RYR3: variants seen among roughly 807,000 people sequenced by gnomAD.
The protein encoded by RYR3 is brain ryanodine receptor-calcium release channel.
Under a neutral mutation model 584.3 loss-of-function variants are expected in RYR3, and 207 were observed. That is an observed-to-expected ratio of 0.35 (90% CI 0.32 to 0.40). The LOEUF is 0.40. Among genes scored for constraint, RYR3 ranks in the 10% least tolerant of loss-of-function variants. RYR3 has a pLI of 1.00. For synonymous variants in RYR3, 2,416 were observed against 2,248.5 expected (o/e 1.07, Z -2.11); for missense variants, 5,616 against 6,089.2 (o/e 0.92, Z 2.59).
In RYR3 at chr15:33,503,702, A is replaced by C; in HGVS notation, c.243A>C (p.Glu81Asp). Residue 81 changes from glutamate to aspartate, a missense_variant, in exon 3 of 104, where the codon GAA (glutamate) becomes GAC (aspartate). Glu to Asp is a conservative substitution (Grantham distance 45). Around this residue, in one of 9 missense-constraint regions of RYR3, gnomAD observed 1,284 missense variants for 1,344.6 expected, o/e 0.95. Coordinates refer to ENST00000634891, the MANE Select transcript of RYR3 (RefSeq NM_001036.6). ...EQSLSVRALQ[E>D]MLANTGENGG... The stretch of plus-strand genomic sequence containing the variant: ...CCCTATCTGTCAGAGCCCTGCAGGA[A>C]ATGCTTGCCAACACAGGTGAAAATG... 1.2e-6 allele frequency: 2 copies of C among 1,612,830 alleles called. No homozygotes were observed. Among genetic ancestry groups the C allele is most frequent in the African/African-American group, 2.7e-5 (2 of 75,016 alleles).
At chr15:33,435,704 T>C (rs1416586504) in intron 1 of RYR3, among the ~76,000 whole-genome samples, 1 of 152,164 alleles carries the variant, frequency 6.6e-6, no homozygotes, top group Non-Finnish European at 1.5e-5. Context: ...CGGAGTTGAT[T>C]GTTCCTCCCG....
chr15:33,763,765 C>T (rs749634131), intron 60 of RYR3, among the ~76,000 whole-genome samples: 8 of 151,934 alleles, frequency 5.3e-5, no homozygotes, highest in Non-Finnish European at 8.8e-5. Flanking sequence ...TGGTGGCACA[C>T]GCCTGTAATC....
intron 62 of RYR3, among the ~76,000 whole-genome samples, chr15:33,770,672 A>C (rs1397482524): frequency 6.6e-6 from 1 of 152,104 alleles, no homozygotes; most frequent in African/African-American, 2.4e-5. Context: ...ATTGCTGAGC[A>C]TGGGAGGCTC....
chr15:33,683,918 AGCCTGGCAGGAAGAGGG>A (rs2064812005), intron 38 of RYR3, among the ~76,000 whole-genome samples: 1 of 152,250 alleles, frequency 6.6e-6, no homozygotes, highest in Non-Finnish European at 1.5e-5. Flanking sequence ...GCAAGGCGGC[AGCCTGGCAGGAAGAGGG>A]GCGTCTGCCA....
intron 12 of RYR3, among the ~76,000 whole-genome samples, chr15:33,572,934 G>A (rs1233142362): frequency 3.9e-5 from 6 of 152,030 alleles, no homozygotes; most frequent in Admixed American, 6.5e-5. Flanking sequence ...AGATCGTGCC[G>A]TTGCACTCCA....
At chr15:33,760,313 G>A (rs142908366) in intron 60 of RYR3, among the ~76,000 whole-genome samples, 3 of 152,106 alleles carry the variant, frequency 2.0e-5, no homozygotes, top group Non-Finnish European at 4.4e-5. Flanking sequence ...TGGGCGAAAT[G>A]CCCCAATTAA....
At chr15:33,459,311 C>T (rs2676089) in intron 1 of RYR3, among the ~76,000 whole-genome samples, 88,337 of 152,074 alleles carry the variant, frequency 0.58, 26,528 homozygotes, top group African/African-American at 0.75. Context: ...ATATCCCTTC[C>T]TCACCCGGAC....
intron 2 of RYR3, among the ~76,000 whole-genome samples, chr15:33,485,133 T>A (rs2142396965): frequency 6.6e-6 from 1 of 152,100 alleles, no homozygotes; most frequent in Middle Eastern, 3.4e-3. Context: ...GAGAAGAATA[T>A]CAAGAAGGAA....
At chr15:33,750,429 C>T in intron 57 of RYR3, 143 bp downstream of exon 57, 1 of 797,450 alleles carries the variant, frequency 1.3e-6, no homozygotes, top group Non-Finnish European at 1.9e-6. Context: ...ACATGAAGCC[C>T]TCTTTTTTTG....
At chr15:33,769,411 A>C (rs191196350) in intron 62 of RYR3, among the ~76,000 whole-genome samples, 2 of 152,296 alleles carry the variant, frequency 1.3e-5, no homozygotes, top group African/African-American at 4.8e-5. Context: ...CCTTCCTAAG[A>C]AGTTTGTCTT....
At chr15:33,361,272 C>A (rs985863223) in intron 1 of RYR3, among the ~76,000 whole-genome samples, 1 of 152,198 alleles carries the variant, frequency 6.6e-6, no homozygotes, top group African/African-American at 2.4e-5. Flanking sequence ...ACTTGCTGAA[C>A]ACATGATGCA....
At chr15:33,686,791 C>T (rs531741464) in intron 38 of RYR3, among the ~76,000 whole-genome samples, 2 of 152,306 alleles carry the variant, frequency 1.3e-5, no homozygotes, top group South Asian at 4.1e-4. Flanking sequence ...AAATGTAATC[C>T]ATCACATAAA....
chr15:33,717,349 C>G (rs2067570849), intron 43 of RYR3, among the ~76,000 whole-genome samples: 1 of 152,126 alleles, frequency 6.6e-6, no homozygotes, highest in Non-Finnish European at 1.5e-5. Context: ...CACCCAAAAC[C>G]CGTTCTTCCC....
chr15:33,822,874 C>A, intron 80 of RYR3, 122 bp from the exon 81 acceptor site: 1 of 675,266 alleles, frequency 1.5e-6, no homozygotes, highest in Non-Finnish European at 2.5e-6. Context: ...CCATGGGACT[C>A]TGATTCCATA....
chr15:33,606,777 T>C (rs532533355), intron 18 of RYR3, among the ~76,000 whole-genome samples: 1 of 152,334 alleles, frequency 6.6e-6, no homozygotes, highest in African/African-American at 2.4e-5. Flanking sequence ...AGTATGTTAC[T>C]GGCTGGGGGA....
intron 31 of RYR3, 50 bp downstream of exon 31, chr15:33,649,285 TC>T (rs759856303): frequency 2.0e-6 from 3 of 1,531,012 alleles, no homozygotes; most frequent in South Asian, 1.2e-5. Context: ...TCTCAGTCCC[TC>T]CCCCCAGTCT....
chr15:33,720,093 T>C (rs1335350576), intron 43 of RYR3, among the ~76,000 whole-genome samples: 1 of 152,216 alleles, frequency 6.6e-6, no homozygotes, highest in African/African-American at 2.4e-5. Flanking sequence ...TGGAAGCTGA[T>C]TAGCTGTTTA....
At chr15:33,830,826 C>A in intron 85 of RYR3, 137 bp from the exon 86 acceptor site, 1 of 786,168 alleles carries the variant, frequency 1.3e-6, no homozygotes. Flanking sequence ...CTCTGCACTT[C>A]TTCACAGGGT....
chr15:33,553,051 A>G (rs573891974), intron 10 of RYR3, among the ~76,000 whole-genome samples: 3 of 152,246 alleles, frequency 2.0e-5, no homozygotes, highest in African/African-American at 4.8e-5. Flanking sequence ...GTAGCCTGAG[A>G]TAGCGGTTCA....
Sources: allele counts gnomAD v4.1 joint callset (sites outside exome capture counted in the v4.1 genomes callset), GRCh38; gene constraint gnomAD v4.1.1; regional missense constraint gnomAD v4.1.1; transcripts MANE v1.5; gene names NCBI Gene and HGNC (gene_info 2026-07-23, HGNC 2026-07-21).